CAPN6: variants seen among roughly 807,000 people sequenced by gnomAD.
The protein encoded by CAPN6 is calpain-6.
CAPN6 carries 16 observed loss-of-function variants against 46.0 expected under a neutral mutation model. The ratio of observed to expected loss-of-function variants is 0.35; its 90% CI spans 0.24 to 0.53. CAPN6 has a LOEUF of 0.53. Among genes scored for constraint, CAPN6 ranks in the 20% least tolerant of loss-of-function variants. CAPN6 has a pLI of 0.94. For missense variants in CAPN6, 461 were observed against 498.0 expected, an observed-to-expected ratio of 0.93 and a Z score of 0.71; for synonymous variants, 206 against 172.8, an observed-to-expected ratio of 1.19 and a Z score of -1.51.
intron 10 of CAPN6, among the ~76,000 whole-genome samples, chrX:111,248,217 C>T (rs1010892604): frequency 1.8e-5 from 2 of 111,983 alleles, no homozygotes; most frequent in Admixed American, 1.9e-4. Context: ...AAAAAGGTGG[C>T]TTTGGTGATC....
chrX:111,266,229 G>A (rs767595628), intron 1 of CAPN6, among the ~76,000 whole-genome samples: 28 of 56,438 alleles, frequency 5.0e-4, no homozygotes, highest in African/African-American at 2.6e-3. Flanking sequence ...GCGAGACTCC[G>A]TCTCAAAAAA....
At chrX:111,268,056 C>T (rs999436422) in intron 1 of CAPN6, among the ~76,000 whole-genome samples, 3 of 111,511 alleles carry the variant, frequency 2.7e-5, no homozygotes, top group African/African-American at 6.5e-5. Context: ...TACATGGGCA[C>T]GCATTTAACC....
chrX:111,250,985 C>G lies in CAPN6; in HGVS notation c.1090G>C (p.Asp364His), dbSNP rs764694244. The G allele has an allele frequency of 5.0e-6, 6 of 1,209,348 alleles. No individual in the cohort carries two copies. The highest frequency in any genetic ancestry group is 5.6e-6 in the Non-Finnish European group (5 of 894,938). ...ESVLGCWTVD[D>H]DPLMNRSGGC... ...CCTGAGCGGTTCATCAGGGGATCAT[C>G]ATCCACAGTCCAGCATCCCAACACC... The change falls in exon 8 of 13, where the codon GAT (aspartate) becomes CAT (histidine). Residue 364 changes from aspartate (D) to histidine (H), a missense_variant. Asp to His is a moderately conservative substitution (Grantham distance 81, BLOSUM62 -1). Coordinates refer to ENST00000324068, the MANE Select transcript of CAPN6 (RefSeq NM_014289.4).
At chrX:111,253,618 TTTTAAA>T (rs1311380567) in intron 3 of CAPN6, among the ~76,000 whole-genome samples, 6 of 112,879 alleles carry the variant, frequency 5.3e-5, no homozygotes, top group Non-Finnish European at 1.9e-5. Context: ...GTAGTTTGCT[TTTTAAA>T]TATCCATTCT....
intron 3 of CAPN6, 48 bp from the exon 4 acceptor site, chrX:111,253,264 C>A: frequency 1.0e-6 from 1 of 1,001,144 alleles, no homozygotes; most frequent in Non-Finnish European, 1.4e-6. Flanking sequence ...CAGACCACAT[C>A]CAGAAACTGA....
In CAPN6 at chrX:111,247,404, G is replaced by A; in HGVS notation, c.1707C>T (p.Phe569=). ...VHAIFDTQAI[F]YRRTTDIPII... ...TAGGAATGTCAGTGGTCCTTCTGTA[G>A]AAAATGGCCTGGGTGTCAAAAATGG... The change falls in exon 12 of 13, where the codon TTC becomes TTT. Residue 569 remains phenylalanine, a synonymous_variant. Coordinates refer to ENST00000324068, the MANE Select transcript of CAPN6 (RefSeq NM_014289.4). 8.3e-7 allele frequency: 1 copy of A among 1,209,308 alleles called. No individual in the cohort carries two copies. The highest frequency in any genetic ancestry group is 3.0e-5 in the East Asian group (1 of 33,802).
intron 10 of CAPN6, among the ~76,000 whole-genome samples, chrX:111,248,200 C>G (rs1675684906): frequency 8.9e-6 from 1 of 111,892 alleles, no homozygotes; most frequent in African/African-American, 3.3e-5. Flanking sequence ...GTAGGCAGGG[C>G]TGGGACAAAA....
intron 1 of CAPN6, among the ~76,000 whole-genome samples, chrX:111,267,260 C>A (rs762048133): frequency 8.1e-5 from 9 of 111,482 alleles, no homozygotes; most frequent in Non-Finnish European, 1.7e-4. Flanking sequence ...AGAAGAGGGA[C>A]CCTGTGGCCT....
rs374187461 is a variant in CAPN6 at position 111,248,925 on chromosome X, C to T, written c.1281+10G>A. Reference sequence around the variant, plus strand: ...CCTTCATTCTCTCTGCCCCAAATGCCCATTTTTACCTTGAAGAGCTCAAAG... The same window carrying T: ...CCTTCATTCTCTCTGCCCCAAATGCTCATTTTTACCTTGAAGAGCTCAAAG... On this transcript the variant is annotated intron_variant, in intron 9 of 12. Transcript: ENST00000324068. 1.6e-5 allele frequency: 19 copies of T among 1,209,438 alleles called. No homozygotes were observed. The highest frequency in any genetic ancestry group is 2.0e-5 in the Non-Finnish European group (18 of 895,111).
intron 2 of CAPN6, among the ~76,000 whole-genome samples, chrX:111,261,152 C>A (rs181186581): frequency 8.9e-6 from 1 of 112,541 alleles, no homozygotes; most frequent in Admixed American, 9.4e-5. Flanking sequence ...ACAGGGGACA[C>A]AAACAACTAA....
intron 3 of CAPN6, 77 bp from the exon 4 acceptor site, chrX:111,253,293 G>A: frequency 1.2e-6 from 1 of 815,514 alleles, no homozygotes. Context: ...TTTACTCCTG[G>A]CAAATCTACA....
Position 111,270,458 on chromosome X carries a change from C to A in CAPN6, c.-103G>T. ...CGCTGCTGCTGTTAGCCAGGTAACC[C>A]CACTAAAAGTCTGTTCAGTCAGTGT... On this transcript the variant is annotated 5_prime_UTR_variant, in exon 1 of 13. Coordinates refer to ENST00000324068, the MANE Select transcript of CAPN6 (RefSeq NM_014289.4). The A allele has an allele frequency of 3.1e-6, 1 of 324,119 alleles. No homozygotes were observed. The highest frequency in any genetic ancestry group is 2.7e-5 in the South Asian group (1 of 37,280). The allele number at this position is 324,119 out of a possible 1,213,427, so 26.7% of individuals were successfully genotyped here. A position where few individuals can be genotyped will look rare whatever the true frequency, so the allele number is the denominator to read the frequency against.
chrX:111,251,492 G>T (rs139069057), intron 6 of CAPN6, 57 bp downstream of exon 6: 2 of 1,030,215 alleles, frequency 1.9e-6, no homozygotes, highest in Non-Finnish European at 2.7e-6. Flanking sequence ...GGAGGGATGG[G>T]TCTGGGAGAA....
chrX:111,261,827 T>C (rs2094988127), intron 2 of CAPN6, among the ~76,000 whole-genome samples: 1 of 111,776 alleles, frequency 8.9e-6, no homozygotes, highest in South Asian at 3.7e-4. Context: ...CTATCAATCA[T>C]CCCTTTTCTC....
At chrX:111,258,028 C>A (rs1183098234) in intron 2 of CAPN6, among the ~76,000 whole-genome samples, 1 of 111,893 alleles carries the variant, frequency 8.9e-6, no homozygotes, top group Non-Finnish European at 1.9e-5. Context: ...GAAGTGTGTT[C>A]TCTTAGCTTA....
chrX:111,249,100 T>C (rs1286546296), intron 8 of CAPN6, 43 bp from the exon 9 acceptor site: 2 of 1,187,552 alleles, frequency 1.7e-6, no homozygotes, highest in South Asian at 1.8e-5. Context: ...AGCATTCCCA[T>C]TTCATATGAA....
chrX:111,246,333 G>A lies in CAPN6; in HGVS notation c.*244C>T. 2.8e-6 allele frequency: 1 copy of A among 362,440 alleles called. No individual in the cohort carries two copies. Among genetic ancestry groups the A allele is most frequent in the Non-Finnish European group, 4.8e-6 (1 of 209,206 alleles). 29.9% of individuals were successfully genotyped at this position (362,440 alleles called of 1,213,427 possible). ...CGGAAGCCCCAGAGATCCTTTCTTG[G>A]CAAATGTGTATGATGTCTAGATAGG... On this transcript the variant is annotated 3_prime_UTR_variant, in exon 13 of 13. Transcript: ENST00000324068.
At chrX:111,250,748 G>A (rs768270791) in intron 8 of CAPN6, among the ~76,000 whole-genome samples, 169 bp downstream of exon 8, 9 of 111,803 alleles carry the variant, frequency 8.0e-5, no homozygotes, top group Admixed American at 5.7e-4. Flanking sequence ...AGTCTGCTGT[G>A]TTTTACAAGC....
chrX:111,269,030 G>A (rs1177586494), intron 1 of CAPN6, among the ~76,000 whole-genome samples: 1 of 112,204 alleles, frequency 8.9e-6, no homozygotes, highest in South Asian at 3.7e-4. Context: ...TTTTTGAATT[G>A]CAAGCTGTCA....
Sources: gnomAD v4.1 joint callset for allele counts (sites outside exome capture counted in the v4.1 genomes callset) on GRCh38, gnomAD v4.1.1 for gene constraint, MANE v1.5 for transcripts, NCBI Gene and HGNC (gene_info 2026-07-23, HGNC 2026-07-21) for gene names.